Variants in GRIA4 observed in about 807,000 individuals in gnomAD.
GRIA4 encodes the protein glutamate receptor 4.
A neutral mutation model predicts 104.0 loss-of-function variants in GRIA4; 34 were observed. That is an observed-to-expected ratio of 0.33 (90% CI 0.25 to 0.44). GRIA4 has a LOEUF of 0.44. GRIA4 is among the 20% of genes least tolerant of loss of function. The pLI is 1.00. For missense variants in GRIA4, 750 were observed against 1,096.5 expected (o/e 0.68, Z 4.46); for synonymous variants, 386 against 381.9 (o/e 1.01, Z -0.13).
chr11:105,634,484 A>AGAAAGAAAGG (rs1555085835), intron 3 of GRIA4, among the ~76,000 whole-genome samples: 45 of 61,792 alleles, frequency 7.3e-4, no homozygotes, highest in African/African-American at 2.0e-3. Context: ...AAAGAAAGAA[A>AGAAAGAAAGG]GAAAGAAAGA....
chr11:105,722,924 G>A (rs1053707227), intron 3 of GRIA4, among the ~76,000 whole-genome samples: 2 of 151,984 alleles, frequency 1.3e-5, no homozygotes, highest in African/African-American at 2.4e-5. Flanking sequence ...GATTTGTGAC[G>A]TCTGTAAGTT....
chr11:105,932,093 T>C (rs760950522), intron 13 of GRIA4, among the ~76,000 whole-genome samples: 7 of 152,118 alleles, frequency 4.6e-5, no homozygotes, highest in African/African-American at 7.2e-5. Context: ...CCCCTTGTTA[T>C]TGAAAACAAA....
chr11:105,839,907 T>C (rs998232020), intron 4 of GRIA4, among the ~76,000 whole-genome samples: 9 of 152,126 alleles, frequency 5.9e-5, no homozygotes, highest in Non-Finnish European at 1.3e-4. Flanking sequence ...TTTCTATTAT[T>C]CTATTAATTT....
At chr11:105,757,243 G>T (rs937476920) in intron 4 of GRIA4, among the ~76,000 whole-genome samples, 3 of 152,116 alleles carry the variant, frequency 2.0e-5, no homozygotes, top group African/African-American at 7.2e-5. Flanking sequence ...TGAGGGTTAT[G>T]TGTCCGGCTC....
chr11:105,759,263 T>C (rs1940484047), intron 4 of GRIA4, among the ~76,000 whole-genome samples: 1 of 152,182 alleles, frequency 6.6e-6, no homozygotes, highest in Non-Finnish European at 1.5e-5. Context: ...ATCACGGTGT[T>C]TGGTTAATAT....
chr11:105,825,176 G>A (rs536859431), intron 4 of GRIA4, among the ~76,000 whole-genome samples: 1 of 151,950 alleles, frequency 6.6e-6, no homozygotes, highest in Non-Finnish European at 1.5e-5. Context: ...TTTATCAAGG[G>A]GAATATTGGC....
rs78155864 is a variant in GRIA4, at chr11:105,891,629, T to G, written c.726+4057T>G. On this transcript the variant is annotated intron_variant, in intron 6 of 16. Coordinates refer to ENST00000282499, the MANE Select transcript of GRIA4 (RefSeq NM_000829.4). Reference sequence around the variant, plus strand: ...AGGAGGTGTTTACCCCACCCAATCCTAGTCAGTGGTTACAATTACGTCTAG... The same window carrying G: ...AGGAGGTGTTTACCCCACCCAATCCGAGTCAGTGGTTACAATTACGTCTAG... Among the ~76,000 whole-genome samples, 130 of 152,296 alleles carry G rather than the reference T, an allele frequency of 8.5e-4. No individual in the cohort carries two copies. In the East Asian group the frequency reaches 0.023, roughly 26 times the overall value.
intron 14 of GRIA4, among the ~76,000 whole-genome samples, chr11:105,946,961 T>C (rs2136233901): frequency 6.6e-6 from 1 of 152,314 alleles, no homozygotes; most frequent in South Asian, 2.1e-4. Context: ...ATCCTTAAAG[T>C]TGGATTGTTA....
chr11:105,939,263 G>C (rs2136221543), intron 14 of GRIA4, among the ~76,000 whole-genome samples: 1 of 152,242 alleles, frequency 6.6e-6, no homozygotes, highest in Non-Finnish European at 1.5e-5. Flanking sequence ...AAATTGAAAA[G>C]TTTCTATATT....
chr11:105,966,072 A>G lies in GRIA4; in HGVS notation c.2295-5842A>G, dbSNP rs138355121. The G allele has an allele frequency of 1.5e-3, 2,405 of 1,559,330 alleles. 10 individuals carry two copies. The highest frequency in any genetic ancestry group is 1.1e-3 in the Non-Finnish European group (1,276 of 1,130,378). On this transcript the variant is annotated intron_variant, in intron 14 of 16. Coordinates refer to ENST00000282499, the MANE Select transcript of GRIA4 (RefSeq NM_000829.4). ...GGAGGTGACTCCAAGGTTAGCCTCAATGTCACCAAAAGCGGGTAAACAGTA... is the reference window on the plus strand; with the variant it reads ...GGAGGTGACTCCAAGGTTAGCCTCAGTGTCACCAAAAGCGGGTAAACAGTA...
At chr11:105,967,723 C>T (rs922386579) in intron 14 of GRIA4, among the ~76,000 whole-genome samples, 2 of 146,218 alleles carry the variant, frequency 1.4e-5, no homozygotes, top group African/African-American at 5.1e-5. Flanking sequence ...AAAAAATCCA[C>T]GTAGGTTGTT....
intron 14 of GRIA4, among the ~76,000 whole-genome samples, chr11:105,966,586 C>A (rs373850250): frequency 5.9e-5 from 9 of 152,316 alleles, no homozygotes; most frequent in African/African-American, 2.2e-4. Context: ...ATATGAACTA[C>A]ACATTTTTTG....
intron 4 of GRIA4, among the ~76,000 whole-genome samples, chr11:105,806,248 T>C (rs1272447943): frequency 3.3e-5 from 5 of 151,688 alleles, no homozygotes; most frequent in African/African-American, 2.4e-5. Context: ...ATAATGGGAA[T>C]AGGAGAACAA....
chr11:105,974,783 C>A (rs560107962), intron 16 of GRIA4: 3 of 429,504 alleles, frequency 7.0e-6, no homozygotes, highest in Admixed American at 3.8e-5. Flanking sequence ...AAAAACAAAC[C>A]AGAATTGCTC....
At chr11:105,625,467 C>T (rs151285121) in intron 3 of GRIA4, among the ~76,000 whole-genome samples, 372 of 152,154 alleles carry the variant, frequency 2.4e-3, no homozygotes, top group Non-Finnish European at 4.3e-3. Context: ...TAGTGATTTC[C>T]CAAGCTAAGT....
chr11:105,755,202 T>A (rs1940231536), intron 4 of GRIA4, among the ~76,000 whole-genome samples: 1 of 152,194 alleles, frequency 6.6e-6, no homozygotes, highest in African/African-American at 2.4e-5. Context: ...TTTTTGGGTT[T>A]TAGTGTATGC....
At chr11:105,631,520 A>G (rs751888680) in intron 3 of GRIA4, among the ~76,000 whole-genome samples, 20 of 152,214 alleles carry the variant, frequency 1.3e-4, no homozygotes, top group Admixed American at 2.6e-4. Flanking sequence ...CATAGATAAC[A>G]AACTATTTAT....
intron 5 of GRIA4, among the ~76,000 whole-genome samples, chr11:105,870,420 A>G (rs1014320133): frequency 1.3e-5 from 2 of 151,996 alleles, no homozygotes; most frequent in African/African-American, 4.8e-5. Context: ...ACATTTATCC[A>G]GTACCTACTA....
At chr11:105,846,473 A>T (rs1286974104) in intron 4 of GRIA4, among the ~76,000 whole-genome samples, 1 of 152,156 alleles carries the variant, frequency 6.6e-6, no homozygotes, top group Non-Finnish European at 1.5e-5. Flanking sequence ...TGTAATGAAC[A>T]TATATGTAAT....
Sources: allele counts gnomAD v4.1 joint callset (sites outside exome capture counted in the v4.1 genomes callset), GRCh38; gene constraint gnomAD v4.1.1; transcripts MANE v1.5; gene names NCBI Gene and HGNC (gene_info 2026-07-23, HGNC 2026-07-21).